Variants in EYA2 observed in about 807,000 individuals in gnomAD.
EYA2 encodes protein phosphatase EYA2.
EYA2 carries 31 observed loss-of-function variants against 69.2 expected under a neutral mutation model. The observed-to-expected ratio is 0.45, with a 90% confidence interval of 0.34 to 0.60. The LOEUF (loss-of-function observed/expected upper bound fraction) is 0.60, where lower values mean the gene tolerates loss of function less well. Ranked by LOEUF, EYA2 falls within the 20% of genes least tolerant of loss-of-function variation. The pLI is 0.02. For missense variants in EYA2, 622 were observed against 701.2 expected (o/e 0.89, Z 1.28); for synonymous variants, 257 against 279.4 (o/e 0.92, Z 0.80).
rs570875527 is a variant in EYA2 at position 47,028,472 on chromosome 20, G to A, written c.415+12175G>A. On this transcript the variant is annotated intron_variant, in intron 5 of 15. Transcript: ENST00000327619. ...GATTTTCAAAGCAAAGCAGGTCTAC[G>A]TGTGGCATCAGGAGCTGGTGAGTGA... Among the ~76,000 whole-genome samples, 23 of 152,324 alleles carry A rather than the reference G, an allele frequency of 1.5e-4. No homozygotes were observed. The South Asian group carries it at 3.9e-3, about 26-fold the overall frequency.
chr20:47,113,787 A>G (rs1374493619), intron 9 of EYA2, among the ~76,000 whole-genome samples: 3 of 151,900 alleles, frequency 2.0e-5, no homozygotes, highest in African/African-American at 7.3e-5. Flanking sequence ...CACAGACCAT[A>G]ATGTTTCTGC....
At position 47,126,923 on chromosome 20, in the gene EYA2, C is replaced by A. The variant is rs1337831550; in HGVS notation, c.889-16136C>A. Reference sequence around the variant, plus strand: ...ATCTGGCTCAAAATGCCAACAGTGCCAAAGCGGAAAAACCCTGATTTGTAG... The same window carrying A: ...ATCTGGCTCAAAATGCCAACAGTGCAAAAGCGGAAAAACCCTGATTTGTAG... On this transcript the variant is annotated intron_variant, in intron 9 of 15. Coordinates refer to ENST00000327619, the MANE Select transcript of EYA2 (RefSeq NM_005244.5). 1.3e-5 allele frequency among the ~76,000 whole-genome samples: 2 copies of A among 152,150 alleles called. 1 individual carries two copies. Among genetic ancestry groups the A allele is most frequent in the Non-Finnish European group, 2.9e-5 (2 of 68,032 alleles).
At chr20:47,044,945 C>T (rs1417450) in intron 5 of EYA2, among the ~76,000 whole-genome samples, 107,877 of 152,008 alleles carry the variant, frequency 0.71, 38,395 homozygotes, top group African/African-American at 0.71. Context: ...TACCTAATTA[C>T]ATCATTGCAA....
intron 2 of EYA2, among the ~76,000 whole-genome samples, chr20:46,991,915 C>CCGAGAT (rs1340267669): frequency 7.2e-6 from 1 of 138,206 alleles, no homozygotes; most frequent in Non-Finnish European, 1.5e-5. Flanking sequence ...TTGCAGTGAG[C>CCGAGAT]CGAGATCGTA....
intron 5 of EYA2, among the ~76,000 whole-genome samples, chr20:47,026,544 A>G (rs527408696): frequency 6.6e-6 from 1 of 152,238 alleles, no homozygotes; most frequent in Non-Finnish European, 1.5e-5. Flanking sequence ...TGACAAACTG[A>G]AAAGAAATAT....
At chr20:47,042,027 A>G (rs1025640295) in intron 5 of EYA2, among the ~76,000 whole-genome samples, 4 of 152,184 alleles carry the variant, frequency 2.6e-5, no homozygotes, top group African/African-American at 4.8e-5. Context: ...TATATTCACT[A>G]AAAGTTAAAT....
At chr20:46,956,172 C>G (rs1330109840) in intron 1 of EYA2, among the ~76,000 whole-genome samples, 3 of 152,130 alleles carry the variant, frequency 2.0e-5, no homozygotes, top group Non-Finnish European at 4.4e-5. Context: ...CAGGAAGAAT[C>G]ACTGATTGTT....
At chr20:46,984,854 A>G (rs1294004639) in intron 1 of EYA2, among the ~76,000 whole-genome samples, 5 of 152,372 alleles carry the variant, frequency 3.3e-5, no homozygotes, top group African/African-American at 1.2e-4. Context: ...CTGAGAGATA[A>G]AGGCTACCTA....
At chr20:47,137,458 T>C (rs3787244) in intron 9 of EYA2, among the ~76,000 whole-genome samples, 2,618 of 152,236 alleles carry the variant, frequency 0.017, 111 homozygotes, top group East Asian at 0.16. Flanking sequence ...TGTTAGGTCT[T>C]AGAGGGATCA....
rs553735931 is a variant in EYA2 at position 47,074,266 on chromosome 20, T to C, written c.592T>C (p.Ser198Pro). ...PASSICPSPL[S>P]TSTYVLQEAS... ...CAGCAGCATCTGCCCTTCGCCCCTC[T>C]CCACGTCCACCTACGTCCTCCAGGA... The change falls in exon 7 of 16, where the codon TCC becomes CCC. Residue 198 changes from serine (S) to proline (P), a missense_variant. Physicochemically the swap from Ser to Pro is moderately conservative, Grantham distance 74. Around this residue, in one of 2 missense-constraint regions of EYA2, gnomAD observed 365 missense variants for 349.7 expected, o/e 1.04. Coordinates refer to ENST00000327619, the MANE Select transcript of EYA2 (RefSeq NM_005244.5). 6.2e-7 allele frequency: 1 copy of C among 1,614,064 alleles called. No individual in the cohort carries two copies.
intron 5 of EYA2, among the ~76,000 whole-genome samples, chr20:47,057,194 G>T (rs982354376): frequency 6.7e-6 from 1 of 150,078 alleles, no homozygotes; most frequent in Non-Finnish European, 1.5e-5. Flanking sequence ...ATCTCAGCAC[G>T]TACTAGGCAC....
intron 12 of EYA2, among the ~76,000 whole-genome samples, chr20:47,178,560 G>A (rs2034469095): frequency 6.6e-6 from 1 of 151,156 alleles, no homozygotes; most frequent in Non-Finnish European, 1.5e-5. Context: ...CATGCTGCTG[G>A]GGGTTTTGAA....
At chr20:47,108,793 G>C (rs1157333532) in intron 9 of EYA2, among the ~76,000 whole-genome samples, 1 of 151,840 alleles carries the variant, frequency 6.6e-6, no homozygotes, top group Non-Finnish European at 1.5e-5. Context: ...GGGCTCAAGC[G>C]ATCCTCCCCC....
At chr20:47,133,186 TC>T (rs3842431) in intron 9 of EYA2, among the ~76,000 whole-genome samples, 41,251 of 151,950 alleles carry the variant, frequency 0.27, 7,019 homozygotes, top group East Asian at 0.39. Context: ...TCAGGAAGGC[TC>T]TGCCTGTAGG....
chr20:46,955,040 A>C (rs754742673), intron 1 of EYA2, among the ~76,000 whole-genome samples: 17 of 151,962 alleles, frequency 1.1e-4, no homozygotes, highest in Non-Finnish European at 2.4e-4. Flanking sequence ...CTGGTGCTTG[A>C]TGGGTGAGCA....
At chr20:47,117,686 A>G in intron 9 of EYA2, 2 of 985,472 alleles carry the variant, frequency 2.0e-6, no homozygotes, top group South Asian at 9.4e-5. Context: ...ATGACGCAGC[A>G]GTTAAAAACT....
chr20:47,051,993 C>T (rs113191739), intron 5 of EYA2, among the ~76,000 whole-genome samples: 105 of 152,274 alleles, frequency 6.9e-4, no homozygotes, highest in African/African-American at 2.3e-3. Context: ...AGTTATCAAA[C>T]GTTTGTTGTG....
At chr20:46,970,861 A>G (rs1310551434) in intron 1 of EYA2, among the ~76,000 whole-genome samples, 3 of 152,194 alleles carry the variant, frequency 2.0e-5, no homozygotes, top group African/African-American at 7.2e-5. Context: ...TATGTTTTCA[A>G]AAAAAGGGTC....
intron 1 of EYA2, among the ~76,000 whole-genome samples, chr20:46,969,522 T>G (rs561323054): frequency 2.0e-5 from 3 of 152,138 alleles, no homozygotes; most frequent in South Asian, 4.2e-4. Context: ...CTTCCCTGCC[T>G]TCCTCTGTCT....
Sources: gnomAD v4.1 joint callset for allele counts (sites outside exome capture counted in the v4.1 genomes callset) on GRCh38, gnomAD v4.1.1 for gene constraint, gnomAD v4.1.1 regional missense constraint, MANE v1.5 for transcripts, NCBI Gene and HGNC (gene_info 2026-07-23, HGNC 2026-07-21) for gene names.